The following KCNAB1 variants were observed in gnomAD, a reference collection of about 807,000 sequenced individuals.
KCNAB1 encodes voltage-gated potassium channel subunit beta-1.
In KCNAB1, 35 loss-of-function variants were observed where a neutral mutation model predicts 64.6. That is an observed-to-expected ratio of 0.54 (90% CI 0.41 to 0.72). KCNAB1 has a LOEUF of 0.72. KCNAB1 is among the 30% of genes least tolerant of loss of function. The probability of loss-of-function intolerance (pLI) is 0.00; values close to 1 mark genes in which losing one functional copy is unlikely to be tolerated. For synonymous variants in KCNAB1, 177 were observed against 183.8 expected (o/e 0.96, Z 0.30); for missense variants, 401 against 512.9 (o/e 0.78, Z 2.11).
At chr3:156,309,688 C>A (rs992149238) in intron 1 of KCNAB1, among the ~76,000 whole-genome samples, 9 of 152,196 alleles carry the variant, frequency 5.9e-5, no homozygotes, top group Non-Finnish European at 1.2e-4. Context: ...CCAGCTCACA[C>A]AATCTTTGTG....
intron 1 of KCNAB1, among the ~76,000 whole-genome samples, chr3:156,335,100 C>G (rs144782126): frequency 1.3e-5 from 2 of 152,322 alleles, no homozygotes; most frequent in South Asian, 2.1e-4. Context: ...ACAGTGCCCT[C>G]CATGATCTCC....
intron 1 of KCNAB1, among the ~76,000 whole-genome samples, chr3:156,311,369 G>A (rs1424922066): frequency 6.6e-6 from 1 of 152,210 alleles, no homozygotes; most frequent in Non-Finnish European, 1.5e-5. Flanking sequence ...GCAAGAGTAT[G>A]TGTTGTGAGA....
intron 1 of KCNAB1, among the ~76,000 whole-genome samples, chr3:156,309,725 A>G (rs1377783643): frequency 6.6e-6 from 1 of 152,224 alleles, no homozygotes; most frequent in African/African-American, 2.4e-5. Flanking sequence ...GAGCTGGCCT[A>G]TGCTTACGAA....
Position 156,147,940 on chromosome 3 carries a change from G to GACACACAC in KCNAB1, c.275+27067_275+27074dup, listed in dbSNP as rs6148150. On this transcript the variant is annotated intron_variant, in intron 1 of 13. Transcript: ENST00000490337. ...CAACCTCCATCCCACCACATGCCAAGACACACACACACACACACACGCACG... is the reference window on the plus strand; with the variant it reads ...CAACCTCCATCCCACCACATGCCAAGACACACACACACACACACACACACACACGCACG... Among the ~76,000 whole-genome samples the GACACACAC allele has an allele frequency of 6.5e-3, 943 of 146,102 alleles. 8 individuals are homozygous for GACACACAC. The highest frequency in any genetic ancestry group is 0.038 in the East Asian group (186 of 4,892).
intron 1 of KCNAB1, among the ~76,000 whole-genome samples, chr3:156,392,377 A>G (rs919077698): frequency 2.6e-5 from 4 of 152,228 alleles, no homozygotes. Flanking sequence ...TGTAAAAGGT[A>G]GATTTCAAGC....
rs116060679 is a variant in KCNAB1, at chr3:156,268,691, G to A, written c.275+147805G>A. ...TCCTCTTTGGAGAATCAGATATTTT[G>A]TCCATTTTCAAAATCAGATTATTAT... On this transcript the variant is annotated intron_variant, in intron 1 of 13. Coordinates refer to ENST00000490337, the MANE Select transcript of KCNAB1 (RefSeq NM_172160.3). Among the ~76,000 whole-genome samples the A allele has an allele frequency of 7.8e-3, 1,181 of 152,108 alleles. 14 individuals are homozygous for A. The highest frequency in any genetic ancestry group is 0.027 in the African/African-American group (1,130 of 41,488).
intron 5 of KCNAB1, 167 bp downstream of exon 5, chr3:156,460,038 C>A: frequency 1.8e-6 from 1 of 541,636 alleles, no homozygotes. Flanking sequence ...AAGTTCACTT[C>A]TGGAGCTTCA....
chr3:156,439,126 C>T (rs1476160519), intron 2 of KCNAB1, among the ~76,000 whole-genome samples: 3 of 151,146 alleles, frequency 2.0e-5, no homozygotes, highest in African/African-American at 4.9e-5. Flanking sequence ...ACAGATTGGT[C>T]GTGGGTTTTA....
intron 1 of KCNAB1, among the ~76,000 whole-genome samples, chr3:156,212,259 A>C (rs1444661766): frequency 1.3e-5 from 2 of 152,052 alleles, no homozygotes; most frequent in Admixed American, 1.3e-4. Flanking sequence ...AGCAGAGAAA[A>C]ATTTTCTAAC....
intron 1 of KCNAB1, among the ~76,000 whole-genome samples, chr3:156,253,871 C>T (rs978644105): frequency 6.6e-6 from 1 of 152,184 alleles, no homozygotes. Flanking sequence ...AGTTTGAGAA[C>T]CATCGGTCTA....
At chr3:156,471,634 T>C (rs1351489464) in intron 7 of KCNAB1, among the ~76,000 whole-genome samples, 1 of 152,248 alleles carries the variant, frequency 6.6e-6, no homozygotes, top group Admixed American at 6.5e-5. Flanking sequence ...CCAAGGTTAA[T>C]GCATTTTTGC....
chr3:156,465,731 A>G, intron 7 of KCNAB1, 45 bp downstream of exon 7: 7 of 1,502,964 alleles, frequency 4.7e-6, no homozygotes, highest in East Asian at 2.3e-5. Context: ...TGGGCCCCTC[A>G]TTCAAGAAAG....
At chr3:156,304,565 T>C (rs1721362352) in intron 1 of KCNAB1, among the ~76,000 whole-genome samples, 1 of 152,240 alleles carries the variant, frequency 6.6e-6, no homozygotes, top group Non-Finnish European at 1.5e-5. Context: ...AGGAATGTAA[T>C]ATTGGCAAAT....
At chr3:156,123,371 T>C (rs1713462650) in intron 1 of KCNAB1, among the ~76,000 whole-genome samples, 1 of 152,262 alleles carries the variant, frequency 6.6e-6, no homozygotes, top group African/African-American at 2.4e-5. Context: ...TAAAATATTT[T>C]ACATCAGGTT....
chr3:156,360,391 T>A (rs200201957), intron 1 of KCNAB1, among the ~76,000 whole-genome samples: 135 of 152,134 alleles, frequency 8.9e-4, no homozygotes, highest in East Asian at 6.4e-3. Flanking sequence ...TGACAGATAA[T>A]TTTTCCTCAT....
chr3:156,528,562 G>A (rs1452559276), intron 12 of KCNAB1, among the ~76,000 whole-genome samples: 1 of 152,178 alleles, frequency 6.6e-6, no homozygotes, highest in African/African-American at 2.4e-5. Flanking sequence ...GTAGGAGCTT[G>A]GAATTCAGGG....
intron 8 of KCNAB1, among the ~76,000 whole-genome samples, chr3:156,481,506 C>A (rs997471782): frequency 3.3e-5 from 5 of 150,972 alleles, no homozygotes; most frequent in African/African-American, 1.2e-4. Flanking sequence ...TTTCCTGATA[C>A]TTTAGGCCTA....
intron 1 of KCNAB1, among the ~76,000 whole-genome samples, chr3:156,223,368 A>T (rs960798261): frequency 5.3e-5 from 8 of 152,238 alleles, no homozygotes; most frequent in African/African-American, 1.9e-4. Flanking sequence ...CCCTACCCAC[A>T]TCCTGCTGAT....
At chr3:156,125,315 A>G (rs1340377169) in intron 1 of KCNAB1, among the ~76,000 whole-genome samples, 3 of 152,196 alleles carry the variant, frequency 2.0e-5, no homozygotes, top group Non-Finnish European at 4.4e-5. Flanking sequence ...AATCCCCAAC[A>G]AAAGTATATA....
Sources: gnomAD v4.1 joint callset for allele counts (sites outside exome capture counted in the v4.1 genomes callset) on GRCh38, gnomAD v4.1.1 for gene constraint, MANE v1.5 for transcripts, NCBI Gene and HGNC (gene_info 2026-07-23, HGNC 2026-07-21) for gene names.